The following SH3RF2 variants were observed in gnomAD, a reference collection of about 807,000 sequenced individuals.
SH3RF2 encodes the protein E3 ubiquitin-protein ligase SH3RF2.
A neutral mutation model predicts 59.0 loss-of-function variants in SH3RF2; 43 were observed. That is an observed-to-expected ratio of 0.73 (90% CI 0.57 to 0.94). The LOEUF (loss-of-function observed/expected upper bound fraction) is 0.94. Among genes scored for constraint, SH3RF2 ranks in the 40% least tolerant of loss-of-function variants. SH3RF2 has a pLI of 0.00. For synonymous variants in SH3RF2, 391 were observed against 391.5 expected, an observed-to-expected ratio of 1.00 and a Z score of 0.01; for missense variants, 930 against 940.1, an observed-to-expected ratio of 0.99 and a Z score of 0.14.
At chr5:145,942,089 C>A (rs1377545326) in intron 2 of SH3RF2, among the ~76,000 whole-genome samples, 1 of 152,188 alleles carries the variant, frequency 6.6e-6, no homozygotes, top group Non-Finnish European at 1.5e-5. Context: ...GGCTTCGCAG[C>A]TCACTTCCAG....
rs1038814737 is a variant in SH3RF2 at position 145,967,860 on chromosome 5, A to G, written c.378+29554A>G. Among the ~76,000 whole-genome samples, 42 of 152,160 alleles carry G rather than the reference A, an allele frequency of 2.8e-4. 1 individual carries two copies. Among genetic ancestry groups the G allele is most frequent in the Non-Finnish European group, 6.2e-4 (42 of 67,996 alleles). On this transcript the variant is annotated intron_variant, in intron 2 of 9. Coordinates refer to ENST00000359120, the MANE Select transcript of SH3RF2 (RefSeq NM_152550.4). ...TTTTTAGTAGAGACAGGGTTTCACC[A>G]TGTTGGCCAGGCTGGTCTCAAACTC...
chr5:146,060,726 G>C (rs928669253), intron 9 of SH3RF2, among the ~76,000 whole-genome samples: 1 of 152,130 alleles, frequency 6.6e-6, no homozygotes, highest in African/African-American at 2.4e-5. Flanking sequence ...GTATAAAAGG[G>C]GCAACTGAGG....
Position 146,060,058 on chromosome 5 carries a change from C to G in SH3RF2, c.1748C>G (p.Thr583Arg), listed in dbSNP as rs775960631. The change falls in exon 9 of 10, where the codon ACG becomes AGG. Residue 583 changes from threonine to arginine, a missense_variant. By Grantham distance (71) the Thr-to-Arg change is moderately conservative. Coordinates refer to ENST00000359120, the MANE Select transcript of SH3RF2 (RefSeq NM_152550.4). ...GCCCTCACGGGGGAGCCCGCCCTCACGTGCATCAGCAGGGGCAGTGAGGCC... is the reference window on the plus strand; with the variant it reads ...GCCCTCACGGGGGAGCCCGCCCTCAGGTGCATCAGCAGGGGCAGTGAGGCC... ...KPALTGEPAL[T>R]CISRGSEAWI... The G allele has an allele frequency of 3.7e-6, 6 of 1,613,796 alleles. No homozygotes were observed. The South Asian group carries it at 6.6e-5, about 18-fold the overall frequency.
At chr5:145,989,214 C>G (rs886484729) in intron 2 of SH3RF2, among the ~76,000 whole-genome samples, 11 of 152,212 alleles carry the variant, frequency 7.2e-5, no homozygotes, top group African/African-American at 2.4e-4. Context: ...TGATGCCTAA[C>G]TTTTTGAGTA....
At chr5:145,946,208 CT>C (rs1292355933) in intron 2 of SH3RF2, among the ~76,000 whole-genome samples, 4 of 152,328 alleles carry the variant, frequency 2.6e-5, no homozygotes, top group Admixed American at 2.6e-4. Context: ...GTCTTGAAAG[CT>C]CACACCAGGG....
intron 2 of SH3RF2, among the ~76,000 whole-genome samples, chr5:145,939,155 G>A (rs956103302): frequency 6.6e-6 from 1 of 152,232 alleles, no homozygotes; most frequent in Admixed American, 6.5e-5. Context: ...CTGGAAAGAA[G>A]GACATGGTCC....
intron 2 of SH3RF2, among the ~76,000 whole-genome samples, chr5:145,954,060 T>G (rs1758299809): frequency 6.6e-6 from 1 of 152,256 alleles, no homozygotes; most frequent in Admixed American, 6.5e-5. Flanking sequence ...TATATTTCTC[T>G]GGGTATATAC....
At chr5:145,976,134 A>G (rs1342634509) in intron 2 of SH3RF2, among the ~76,000 whole-genome samples, 1 of 152,220 alleles carries the variant, frequency 6.6e-6, no homozygotes, top group East Asian at 1.9e-4. Context: ...TAGAGAAGCC[A>G]CTTCACATAA....
rs947459066 is a variant in SH3RF2, at chr5:145,981,201, C to T, written c.379-18857C>T. Among the ~76,000 whole-genome samples, 5 of 151,830 alleles carry T rather than the reference C, an allele frequency of 3.3e-5. No homozygotes were observed. The South Asian group carries it at 1.0e-3, about 32-fold the overall frequency. On this transcript the variant is annotated intron_variant, in intron 2 of 9. Transcript: ENST00000359120. The stretch of plus-strand genomic sequence containing the variant: ...CCTTGACTTCCTGAGCTCAGGTGAT[C>T]CTCCCACCTCAGCCTCCCAATTAGC...
intron 4 of SH3RF2, among the ~76,000 whole-genome samples, chr5:146,010,960 G>A (rs79057150): frequency 1.3e-5 from 2 of 151,676 alleles, no homozygotes; most frequent in African/African-American, 4.8e-5. Context: ...TGCCCATGCC[G>A]ATGTCCTGAA....
At chr5:145,958,059 G>C (rs982985810) in intron 2 of SH3RF2, among the ~76,000 whole-genome samples, 3 of 151,690 alleles carry the variant, frequency 2.0e-5, no homozygotes, top group Non-Finnish European at 4.4e-5. Context: ...GTTGCAGTGA[G>C]CCAAGATCAT....
intron 2 of SH3RF2, among the ~76,000 whole-genome samples, chr5:145,988,169 T>A (rs1178667802): frequency 6.6e-6 from 1 of 152,100 alleles, no homozygotes. Context: ...CTGTCCAGGA[T>A]TTTACTGGAG....
intron 7 of SH3RF2, among the ~76,000 whole-genome samples, chr5:146,049,546 C>T (rs905376810): frequency 6.6e-6 from 1 of 152,068 alleles, no homozygotes; most frequent in Non-Finnish European, 1.5e-5. Context: ...GCAACTTGCT[C>T]AAGAACTGGA....
intron 2 of SH3RF2, among the ~76,000 whole-genome samples, chr5:145,945,845 A>G (rs2149942211): frequency 6.6e-6 from 1 of 152,296 alleles, no homozygotes; most frequent in African/African-American, 2.4e-5. Flanking sequence ...AGCTGTATCT[A>G]CAGCAACTTC....
intron 1 of SH3RF2, 48 bp from the exon 2 acceptor site, chr5:145,937,775 C>T (rs1757650494): frequency 3.5e-6 from 3 of 853,170 alleles, no homozygotes; most frequent in Non-Finnish European, 5.5e-6. Flanking sequence ...GGATATACCT[C>T]TCGGAGCAGT....
intron 9 of SH3RF2, among the ~76,000 whole-genome samples, chr5:146,075,147 T>G (rs1369602372): frequency 6.6e-6 from 1 of 152,220 alleles, no homozygotes; most frequent in Admixed American, 6.5e-5. Context: ...CAGCCACTGT[T>G]TAATGACCTG....
chr5:145,987,693 T>G (rs1485841989), intron 2 of SH3RF2, among the ~76,000 whole-genome samples: 1 of 152,004 alleles, frequency 6.6e-6, no homozygotes, highest in Non-Finnish European at 1.5e-5. Flanking sequence ...GTAAGCTCCA[T>G]GAAGGGTCTT....
intron 2 of SH3RF2, among the ~76,000 whole-genome samples, chr5:145,990,245 T>G (rs1204938448): frequency 6.6e-6 from 1 of 152,194 alleles, no homozygotes; most frequent in Non-Finnish European, 1.5e-5. Flanking sequence ...AAAGTGCGTC[T>G]ACTGGTTGGG....
rs181846699 is a variant in SH3RF2, at chr5:146,011,509, T to C, written c.745-2238T>C. ...TCACAATATTGATTCTTCCTATCCA[T>C]GAGCATGGAATGTTCTTCCATTTAT... On this transcript the variant is annotated intron_variant, in intron 4 of 9. Transcript: ENST00000359120. Among the ~76,000 whole-genome samples the C allele has an allele frequency of 7.6e-3, 1,164 of 152,310 alleles. 8 individuals carry two copies. Among genetic ancestry groups the C allele is most frequent in the Middle Eastern group, 0.037 (11 of 294 alleles).
Sources: allele counts gnomAD v4.1 joint callset (sites outside exome capture counted in the v4.1 genomes callset), GRCh38; gene constraint gnomAD v4.1.1; transcripts MANE v1.5; gene names NCBI Gene and HGNC (gene_info 2026-07-23, HGNC 2026-07-21).